Variants in ZDHHC14 observed in about 807,000 individuals in gnomAD.
The protein encoded by ZDHHC14 is zDHHC palmitoyltransferase 14.
A neutral mutation model predicts 47.7 loss-of-function variants in ZDHHC14; 16 were observed. The observed-to-expected ratio is 0.34, with a 90% CI of 0.23 to 0.51. The LOEUF (loss-of-function observed/expected upper bound fraction) is 0.51, where lower values mean the gene tolerates loss of function less well. ZDHHC14 is among the 20% of genes least tolerant of loss of function. The pLI is 0.97. For missense variants in ZDHHC14, 515 were observed against 662.5 expected, an observed-to-expected ratio of 0.78 and a Z score of 2.44; for synonymous variants, 293 against 278.9, an observed-to-expected ratio of 1.05 and a Z score of -0.50.
rs997338293 is a variant in ZDHHC14 at position 157,586,616 on chromosome 6, G to A, written c.407-6372G>A. Among the ~76,000 whole-genome samples, 10 of 152,146 alleles carry A rather than the reference G, an allele frequency of 6.6e-5. No individual in the cohort carries two copies. Among genetic ancestry groups the A allele is most frequent in the African/African-American group, 9.7e-5 (4 of 41,430 alleles). On this transcript the variant is annotated intron_variant, in intron 2 of 8. Transcript: ENST00000359775. The surrounding 1 kb of genome is among the most constrained non-coding windows in gnomAD (Gnocchi z 4.6). ...ATCAGATCAGAATGGGTGGCAAGAC[G>A]GGCTCAAGACTTGCTGTGCTCATCA...
intron 1 of ZDHHC14, among the ~76,000 whole-genome samples, chr6:157,515,467 T>TTTC (rs1562456804): frequency 1.5e-5 from 2 of 137,398 alleles, no homozygotes; most frequent in African/African-American, 6.1e-5. Context: ...CTTTTTTTTT[T>TTTC]TTTTTTTTTT....
chr6:157,478,967 A>C (rs1443848869), intron 1 of ZDHHC14, among the ~76,000 whole-genome samples: 1 of 152,234 alleles, frequency 6.6e-6, no homozygotes, highest in African/African-American at 2.4e-5. Context: ...GTTGGTTCCC[A>C]TGCCAACCCA....
At chr6:157,470,961 T>C (rs1779339437) in intron 1 of ZDHHC14, among the ~76,000 whole-genome samples, 1 of 152,186 alleles carries the variant, frequency 6.6e-6, no homozygotes, top group Admixed American at 6.5e-5. Context: ...CCTTCAGACC[T>C]GGCCTGGAGA....
intron 2 of ZDHHC14, among the ~76,000 whole-genome samples, chr6:157,548,394 C>T (rs921860697): frequency 8.5e-5 from 13 of 152,144 alleles, no homozygotes; most frequent in African/African-American, 1.4e-4. Context: ...ATCCTCCCTC[C>T]GTGCTGCTTT....
chr6:157,508,573 A>G lies in ZDHHC14; in HGVS notation c.246-34012A>G, dbSNP rs138387939. Among the ~76,000 whole-genome samples, 10 of 152,140 alleles carry G rather than the reference A, an allele frequency of 6.6e-5. No individual in the cohort carries two copies. The East Asian group carries it at 1.9e-3, about 29-fold the overall frequency. The stretch of plus-strand genomic sequence containing the variant: ...TTTTTTGTAGAGACAAGGTCTCACT[A>G]TGTTGCCCAGGCTGGTCTTGAACTC... On this transcript the variant is annotated intron_variant, in intron 1 of 8. Transcript: ENST00000359775.
At chr6:157,583,471 G>A (rs1203435882) in intron 2 of ZDHHC14, among the ~76,000 whole-genome samples, 4 of 152,014 alleles carry the variant, frequency 2.6e-5, no homozygotes, top group Non-Finnish European at 5.9e-5. Flanking sequence ...TTCGCATGGG[G>A]AGTATATTAC....
intron 2 of ZDHHC14, among the ~76,000 whole-genome samples, chr6:157,559,844 C>A (rs1415453236): frequency 1.3e-5 from 2 of 151,938 alleles, no homozygotes; most frequent in Non-Finnish European, 2.9e-5. Flanking sequence ...ACATGAAGAA[C>A]CAAAATAATA....
At chr6:157,511,316 T>G (rs1011043607) in intron 1 of ZDHHC14, among the ~76,000 whole-genome samples, 7 of 152,166 alleles carry the variant, frequency 4.6e-5, no homozygotes, top group Non-Finnish European at 7.4e-5. Context: ...TTCTGTAAAC[T>G]ACAGCCAATC....
chr6:157,541,650 G>A (rs938947668), intron 1 of ZDHHC14, among the ~76,000 whole-genome samples: 1 of 152,198 alleles, frequency 6.6e-6, no homozygotes, highest in African/African-American at 2.4e-5. Flanking sequence ...GGCGACAATG[G>A]ACTGACTGTG....
chr6:157,436,002 T>C (rs1778433577), intron 1 of ZDHHC14, among the ~76,000 whole-genome samples: 1 of 151,954 alleles, frequency 6.6e-6, no homozygotes, highest in Admixed American at 6.6e-5. Flanking sequence ...GTGTGAAGAA[T>C]TAGGGCAGGT....
chr6:157,506,580 G>A (rs1475394124), intron 1 of ZDHHC14, among the ~76,000 whole-genome samples: 1 of 148,042 alleles, frequency 6.8e-6, no homozygotes, highest in Admixed American at 6.8e-5. Flanking sequence ...GCAAACAATG[G>A]TAAACTTAGC....
intron 3 of ZDHHC14, among the ~76,000 whole-genome samples, chr6:157,608,268 C>T (rs1373318071): frequency 6.6e-6 from 1 of 151,910 alleles, no homozygotes; most frequent in East Asian, 1.9e-4. Context: ...CACTGACGGC[C>T]GATTATATGG....
intron 1 of ZDHHC14, among the ~76,000 whole-genome samples, chr6:157,417,161 T>A (rs34773654): frequency 0.049 from 7,433 of 151,824 alleles, 208 homozygotes; most frequent in Middle Eastern, 0.065. Context: ...CCTTCCAGAA[T>A]TGTATCTATG....
At chr6:157,591,934 C>G (rs1783926059) in intron 2 of ZDHHC14, among the ~76,000 whole-genome samples, 2 of 152,222 alleles carry the variant, frequency 1.3e-5, no homozygotes. Flanking sequence ...GCCACAGAGT[C>G]TCAGCTGAAG....
At chr6:157,534,930 A>C (rs1302911074) in intron 1 of ZDHHC14, among the ~76,000 whole-genome samples, 3 of 152,220 alleles carry the variant, frequency 2.0e-5, no homozygotes, top group African/African-American at 7.2e-5. Context: ...AAAAATGTTG[A>C]TGCACCACAA....
chr6:157,447,277 C>G (rs1384409304), intron 1 of ZDHHC14, among the ~76,000 whole-genome samples: 1 of 152,216 alleles, frequency 6.6e-6, no homozygotes, highest in Non-Finnish European at 1.5e-5. Flanking sequence ...TTGCCCAGGC[C>G]CTTCAGTTGC....
At chr6:157,460,466 G>C (rs1353833813) in intron 1 of ZDHHC14, among the ~76,000 whole-genome samples, 4 of 142,138 alleles carry the variant, frequency 2.8e-5, no homozygotes, top group African/African-American at 1.0e-4. Flanking sequence ...ATATCTTTCT[G>C]TGTCTGCTTC....
At chr6:157,411,771 A>G (rs183424879) in intron 1 of ZDHHC14, among the ~76,000 whole-genome samples, 3,421 of 139,138 alleles carry the variant, frequency 0.025, 115 homozygotes, top group African/African-American at 0.082. Flanking sequence ...AAAAAAAAAA[A>G]TTAAAGCTTT....
chr6:157,636,101 A>AC (rs913117690), intron 5 of ZDHHC14, among the ~76,000 whole-genome samples: 5 of 151,914 alleles, frequency 3.3e-5, no homozygotes, highest in Non-Finnish European at 5.9e-5. Flanking sequence ...CGCAGGCCAC[A>AC]CCCGCACCTC....
Sources: gnomAD v4.1 joint callset for allele counts (sites outside exome capture counted in the v4.1 genomes callset) on GRCh38, gnomAD v4.1.1 for gene constraint, Gnocchi (gnomAD v3.1) non-coding constraint, MANE v1.5 for transcripts, NCBI Gene and HGNC (gene_info 2026-07-23, HGNC 2026-07-21) for gene names.